Variants in RBFOX1 observed in about 807,000 individuals in gnomAD.
The protein encoded by RBFOX1 is RNA binding protein fox-1 homolog 1.
Under a neutral mutation model 57.7 loss-of-function variants are expected in RBFOX1, and 8 were observed. The observed-to-expected ratio is 0.14, with a 90% CI of 0.08 to 0.25. RBFOX1 has a LOEUF of 0.25. Among genes scored for constraint, RBFOX1 ranks in the 10% least tolerant of loss-of-function variants. The pLI, the probability that RBFOX1 is intolerant of heterozygous loss-of-function variation, is 1.00. For missense variants in RBFOX1, 611 were observed against 548.5 expected, an observed-to-expected ratio of 1.11 and a Z score of -1.14; for synonymous variants, 326 against 222.4, an observed-to-expected ratio of 1.47 and a Z score of -4.15.
chr16:6,224,779 A>G (rs943983661), intron 1 of RBFOX1, among the ~76,000 whole-genome samples: 12 of 152,074 alleles, frequency 7.9e-5, no homozygotes, highest in African/African-American at 2.9e-4. Context: ...CCAGCATTTT[A>G]GGAAGCTGAG....
chr16:5,934,873 T>C (rs915044243), intron 4 of RBFOX1, among the ~76,000 whole-genome samples: 1 of 152,274 alleles, frequency 6.6e-6, no homozygotes, highest in African/African-American at 2.4e-5. Flanking sequence ...TTGTGGCAGC[T>C]GCACACAGAC....
intron 3 of RBFOX1, among the ~76,000 whole-genome samples, chr16:6,821,341 A>C (rs1163405085): frequency 6.6e-6 from 1 of 152,140 alleles, no homozygotes; most frequent in African/African-American, 2.4e-5. Flanking sequence ...TTTGTCCCCA[A>C]ATTGGAAAAC....
At chr16:7,392,747 C>T (rs1412089948) in intron 4 of RBFOX1, among the ~76,000 whole-genome samples, 2 of 152,156 alleles carry the variant, frequency 1.3e-5, no homozygotes, top group African/African-American at 2.4e-5. Context: ...GGCTATTGGT[C>T]ATTGCTGAAT....
intron 3 of RBFOX1, among the ~76,000 whole-genome samples, chr16:5,778,327 C>T (rs530479025): frequency 1.3e-5 from 2 of 152,262 alleles, no homozygotes; most frequent in South Asian, 4.2e-4. Flanking sequence ...CATCTGATTT[C>T]CCTACCATCT....
intron 4 of RBFOX1, among the ~76,000 whole-genome samples, chr16:7,376,084 T>C (rs1378110365): frequency 2.0e-5 from 3 of 152,140 alleles, no homozygotes; most frequent in African/African-American, 7.2e-5. Flanking sequence ...AAAAAGGGAG[T>C]GTACATTTCT....
chr16:5,621,248 A>T (rs1166200064), intron 3 of RBFOX1, among the ~76,000 whole-genome samples: 3 of 152,182 alleles, frequency 2.0e-5, no homozygotes. Context: ...AAGTACTGGG[A>T]TAACAGGCAT....
chr16:6,497,478 C>A (rs544812850), intron 2 of RBFOX1, among the ~76,000 whole-genome samples: 10 of 152,002 alleles, frequency 6.6e-5, no homozygotes, highest in African/African-American at 2.4e-4. Flanking sequence ...TCTAGAAGAA[C>A]AGCTCTTCAA....
chr16:5,725,122 G>A (rs972950327), intron 3 of RBFOX1, among the ~76,000 whole-genome samples: 1 of 152,136 alleles, frequency 6.6e-6, no homozygotes, highest in African/African-American at 2.4e-5. Flanking sequence ...AAATATTTGG[G>A]GAATCCTCCA....
chr16:7,610,302 G>A (rs578094920), intron 10 of RBFOX1, among the ~76,000 whole-genome samples: 27 of 151,374 alleles, frequency 1.8e-4, no homozygotes, highest in Non-Finnish European at 3.1e-4. Context: ...GTATTTTTTT[G>A]TAGAGACAGG....
chr16:6,995,769 A>C (rs1305867875), intron 3 of RBFOX1, among the ~76,000 whole-genome samples: 2 of 152,112 alleles, frequency 1.3e-5, no homozygotes, highest in Non-Finnish European at 2.9e-5. Flanking sequence ...TTAAAAAAAT[A>C]ATAATAAAAA....
At chr16:6,034,447 C>T (rs1229402118) in intron 1 of RBFOX1, among the ~76,000 whole-genome samples, 6 of 149,938 alleles carry the variant, frequency 4.0e-5, no homozygotes, top group Non-Finnish European at 8.9e-5. Flanking sequence ...GTGGCAAGTT[C>T]AATGTCTAGT....
chr16:5,609,034 A>T (rs984537286), intron 3 of RBFOX1, among the ~76,000 whole-genome samples: 2 of 152,202 alleles, frequency 1.3e-5, no homozygotes, highest in African/African-American at 4.8e-5. Flanking sequence ...ATAGCTTTTA[A>T]TCAAGAAAGA....
intron 4 of RBFOX1, among the ~76,000 whole-genome samples, chr16:7,206,863 A>T (rs977362615): frequency 6.6e-6 from 1 of 152,050 alleles, no homozygotes; most frequent in African/African-American, 2.4e-5. Flanking sequence ...GAAAAAAAAA[A>T]TGGAGAGGCT....
chr16:5,303,667 C>T (rs914918219), intron 1 of RBFOX1, among the ~76,000 whole-genome samples: 1 of 152,140 alleles, frequency 6.6e-6, no homozygotes, highest in Non-Finnish European at 1.5e-5. Flanking sequence ...GAAAAAGGAA[C>T]CAGGCCTTAT....
intron 4 of RBFOX1, among the ~76,000 whole-genome samples, chr16:7,194,118 C>A (rs750279273): frequency 2.0e-5 from 3 of 152,098 alleles, no homozygotes; most frequent in Non-Finnish European, 4.4e-5. Flanking sequence ...TTACCCTATT[C>A]GTGTCAATGA....
chr16:5,449,409 A>C (rs949755330), intron 1 of RBFOX1, among the ~76,000 whole-genome samples: 2 of 152,132 alleles, frequency 1.3e-5, no homozygotes, highest in African/African-American at 4.8e-5. Context: ...CACAAACCTC[A>C]GTTTCTGTTT....
rs898840336 is a variant in RBFOX1 at position 6,897,010 on chromosome 16, A to C, written c.-15-155047A>C. Among the ~76,000 whole-genome samples, 3 of 152,160 alleles carry C rather than the reference A, an allele frequency of 2.0e-5. No individual in the cohort carries two copies. The East Asian group carries it at 5.8e-4, about 29-fold the overall frequency. On this transcript the variant is annotated intron_variant, in intron 3 of 15. Coordinates refer to ENST00000550418, the MANE Select transcript of RBFOX1 (RefSeq NM_018723.4). ...CGTGGCTAACAGCAGCAGGGGACGCACCTGTGCAGAGCTCCCTGTGCCCAG... is the reference window on the plus strand; with the variant it reads ...CGTGGCTAACAGCAGCAGGGGACGCCCCTGTGCAGAGCTCCCTGTGCCCAG...
downstream of RBFOX1, among the ~76,000 whole-genome samples, chr16:5,600,965 G>T (rs939842989): frequency 1.3e-5 from 2 of 152,264 alleles, no homozygotes; most frequent in Non-Finnish European, 1.5e-5. Context: ...TGGTCACACA[G>T]CCTGGACTTA....
intron 4 of RBFOX1, among the ~76,000 whole-genome samples, chr16:5,963,708 C>T (rs958029861): frequency 2.6e-5 from 4 of 152,104 alleles, no homozygotes; most frequent in Admixed American, 2.0e-4. Context: ...TATCCAGAGG[C>T]AGAAGAGTGA....
Sources: allele counts gnomAD v4.1 joint callset (sites outside exome capture counted in the v4.1 genomes callset), GRCh38; gene constraint gnomAD v4.1.1; transcripts MANE v1.5; gene names NCBI Gene and HGNC (gene_info 2026-07-23, HGNC 2026-07-21).